Variants in RIMS1 observed in about 807,000 individuals in gnomAD.
The protein encoded by RIMS1 is regulating synaptic membrane exocytosis 1, also known as regulating synaptic membrane exocytosis protein 1.
Under a neutral mutation model 214.1 loss-of-function variants are expected in RIMS1, and 83 were observed. That is an observed-to-expected ratio of 0.39 (90% CI 0.32 to 0.47). RIMS1 has a LOEUF of 0.47. RIMS1 is among the 20% of genes least tolerant of loss of function. The pLI, the probability that RIMS1 is intolerant of heterozygous loss-of-function variation, is 0.99. For synonymous variants in RIMS1, 793 were observed against 786.8 expected, an observed-to-expected ratio of 1.01 and a Z score of -0.13; for missense variants, 2,050 against 2,161.8, an observed-to-expected ratio of 0.95 and a Z score of 1.03.
At chr6:72,294,047 G>A (rs2093767941) in intron 26 of RIMS1, among the ~76,000 whole-genome samples, 1 of 151,330 alleles carries the variant, frequency 6.6e-6, no homozygotes, top group Non-Finnish European at 1.5e-5. Flanking sequence ...ATATATAAAT[G>A]TTCTATAAAT....
At chr6:72,096,194 A>C (rs2031596057) in intron 2 of RIMS1, among the ~76,000 whole-genome samples, 1 of 152,230 alleles carries the variant, frequency 6.6e-6, no homozygotes, top group African/African-American at 2.4e-5. Context: ...AGCTTCATAC[A>C]TATTACCTGG....
intron 1 of RIMS1, among the ~76,000 whole-genome samples, chr6:71,921,889 T>G (rs1240255601): frequency 1.3e-5 from 2 of 152,198 alleles, no homozygotes; most frequent in Admixed American, 6.5e-5. Flanking sequence ...CTCTCTGGTT[T>G]CTTTACCAGC....
intron 4 of RIMS1, among the ~76,000 whole-genome samples, chr6:72,122,041 T>G (rs1437309628): frequency 6.6e-6 from 1 of 151,812 alleles, no homozygotes; most frequent in Non-Finnish European, 1.5e-5. Flanking sequence ...GATGTGCTGC[T>G]GGATTTGGTT....
At chr6:71,970,314 G>A (rs6907646) in intron 2 of RIMS1, among the ~76,000 whole-genome samples, 59,428 of 151,952 alleles carry the variant, frequency 0.39, 12,045 homozygotes, top group East Asian at 0.53. Flanking sequence ...ATTTTTGTAT[G>A]ATGGAACTTT....
Position 72,155,507 on chromosome 6 carries a change from G to A in RIMS1, c.472-24068G>A, listed in dbSNP as rs908120994. Among the ~76,000 whole-genome samples, 3 of 140,508 alleles carry A rather than the reference G, an allele frequency of 2.1e-5. 1 individual carries two copies. Among genetic ancestry groups the A allele is most frequent in the Non-Finnish European group, 4.8e-5 (3 of 61,916 alleles). 92.2% of individuals were successfully genotyped at this position (140,508 alleles called of 152,430 possible). On this transcript the variant is annotated intron_variant, in intron 4 of 33. Coordinates refer to ENST00000521978, the MANE Select transcript of RIMS1 (RefSeq NM_014989.7). Reference sequence around the variant, plus strand: ...TGTATTAGTCCATTTTCACGCTTCTGATAAAAACATACCCAAGACTGGGCA... The same window carrying A: ...TGTATTAGTCCATTTTCACGCTTCTAATAAAAACATACCCAAGACTGGGCA...
chr6:71,950,073 T>C (rs1223868516), intron 1 of RIMS1, among the ~76,000 whole-genome samples: 1 of 151,968 alleles, frequency 6.6e-6, no homozygotes, highest in East Asian at 1.9e-4. Context: ...CAAATAAATC[T>C]CAAAAAATTA....
chr6:72,084,203 GTT>G (rs1834096972), intron 2 of RIMS1, among the ~76,000 whole-genome samples: 1 of 152,148 alleles, frequency 6.6e-6, no homozygotes, highest in Non-Finnish European at 1.5e-5. Context: ...TTCTGGAAAA[GTT>G]TGCATGGAGT....
At chr6:72,316,975 G>A (rs1174256300) in intron 28 of RIMS1, 6 of 590,554 alleles carry the variant, frequency 1.0e-5, no homozygotes, top group East Asian at 3.8e-5. Context: ...GGAGAGGGTC[G>A]AGGGCCCAGT....
In RIMS1 at chr6:71,907,648, A is replaced by G. The variant is rs114627248; in HGVS notation, c.164+20461A>G. 3.4e-3 allele frequency among the ~76,000 whole-genome samples: 519 copies of G among 152,268 alleles called. 3 individuals carry two copies. Among genetic ancestry groups the G allele is most frequent in the African/African-American group, 0.012 (493 of 41,552 alleles). ...CTGAGATCAAAGGTGTAATAAAAAT[A>G]CTCAAAAAATAATCCAATGTGTAAT... On this transcript the variant is annotated intron_variant, in intron 1 of 33. Coordinates refer to ENST00000521978, the MANE Select transcript of RIMS1 (RefSeq NM_014989.7).
At chr6:72,013,478 G>T (rs1429241212) in intron 2 of RIMS1, among the ~76,000 whole-genome samples, 2 of 152,178 alleles carry the variant, frequency 1.3e-5, no homozygotes, top group South Asian at 4.2e-4. Flanking sequence ...CTAGAGAAAT[G>T]AAAAAGACTG....
intron 28 of RIMS1, among the ~76,000 whole-genome samples, chr6:72,319,870 T>C (rs530740932): frequency 6.6e-6 from 1 of 152,144 alleles, no homozygotes; most frequent in African/African-American, 2.4e-5. Context: ...CTGCCACTCC[T>C]ACCTTACCAG....
chr6:72,089,242 CATG>C (rs1416494604), intron 2 of RIMS1, among the ~76,000 whole-genome samples: 2 of 152,100 alleles, frequency 1.3e-5, no homozygotes, highest in Admixed American at 1.3e-4. Flanking sequence ...AATGGGCTTG[CATG>C]AGATTTGAAT....
In RIMS1 at chr6:72,227,927, C is replaced by G. The variant is rs893794922; in HGVS notation, c.1679-5846C>G. ...TTGGTTTTAGGATGGAAGCAGAGTGCAATTATGAACAAAGGGGAACTTTTA... is the reference window on the plus strand; with the variant it reads ...TTGGTTTTAGGATGGAAGCAGAGTGGAATTATGAACAAAGGGGAACTTTTA... On this transcript the variant is annotated intron_variant, in intron 6 of 33. Coordinates refer to ENST00000521978, the MANE Select transcript of RIMS1 (RefSeq NM_014989.7). 3.4e-4 allele frequency among the ~76,000 whole-genome samples: 51 copies of G among 151,948 alleles called. 1 individual carries two copies. Among genetic ancestry groups the G allele is most frequent in the African/African-American group, 1.2e-3 (49 of 41,484 alleles).
At chr6:72,189,754 A>G (rs1383216048) in intron 6 of RIMS1, among the ~76,000 whole-genome samples, 2 of 152,210 alleles carry the variant, frequency 1.3e-5, no homozygotes, top group African/African-American at 4.8e-5. Context: ...TCCTGCCACC[A>G]TGGCCACTGT....
intron 1 of RIMS1, among the ~76,000 whole-genome samples, chr6:71,950,258 A>G (rs1789047683): frequency 6.6e-6 from 1 of 152,164 alleles, no homozygotes; most frequent in South Asian, 2.1e-4. Flanking sequence ...CTTTTGGGTG[A>G]TACAAGTGTT....
intron 22 of RIMS1, among the ~76,000 whole-genome samples, chr6:72,269,300 CCT>C (rs1241340891): frequency 6.6e-6 from 1 of 152,152 alleles, no homozygotes; most frequent in Non-Finnish European, 1.5e-5. Flanking sequence ...TTTTCTTAAA[CCT>C]CTGTTATGAT....
intron 4 of RIMS1, among the ~76,000 whole-genome samples, chr6:72,136,273 T>A (rs1376560419): frequency 6.6e-6 from 1 of 151,752 alleles, no homozygotes; most frequent in Non-Finnish European, 1.5e-5. Context: ...AAGAAAATAA[T>A]CGAGAACATA....
At chr6:72,400,067 T>C (rs1272112709) in intron 33 of RIMS1, among the ~76,000 whole-genome samples, 1 of 152,198 alleles carries the variant, frequency 6.6e-6, no homozygotes, top group Non-Finnish European at 1.5e-5. Context: ...TTCTGGTACA[T>C]ACATTCCATG....
intron 29 of RIMS1, 32 bp from the exon 30 acceptor site, chr6:72,390,566 A>C: frequency 1.3e-6 from 2 of 1,586,786 alleles, no homozygotes; most frequent in South Asian, 2.3e-5. Context: ...GTCTAAATAA[A>C]ACTTAGAGTT....
Sources: gnomAD v4.1 joint callset for allele counts (sites outside exome capture counted in the v4.1 genomes callset) on GRCh38, gnomAD v4.1.1 for gene constraint, MANE v1.5 for transcripts, NCBI Gene and HGNC (gene_info 2026-07-23, HGNC 2026-07-21) for gene names.